PLBD2: variants seen among roughly 807,000 people sequenced by gnomAD.
PLBD2 encodes phospholipase B domain containing 2.
Under a neutral mutation model 68.3 loss-of-function variants are expected in PLBD2, and 51 were observed. The observed-to-expected ratio is 0.75, with a 90% CI of 0.60 to 0.94. The LOEUF (loss-of-function observed/expected upper bound fraction) is 0.94, where lower values mean the gene tolerates loss of function less well. PLBD2 is among the 40% of genes least tolerant of loss of function. The pLI is 0.00. For synonymous variants in PLBD2, 314 were observed against 339.3 expected, an observed-to-expected ratio of 0.93 and a Z score of 0.82; for missense variants, 729 against 792.2, an observed-to-expected ratio of 0.92 and a Z score of 0.96.
chr12:113,387,608 G>A (rs1957563815), intron 10 of PLBD2, 136 bp from the exon 11 acceptor site: 2 of 946,216 alleles, frequency 2.1e-6, no homozygotes, highest in African/African-American at 3.2e-5. Context: ...GGAACTGTCG[G>A]GGGTAGTGTG....
At position 113,381,164 on chromosome 12, in the gene PLBD2, G is replaced by T. The variant is rs564127923; in HGVS notation, c.957+322G>T. 8.5e-5 allele frequency among the ~76,000 whole-genome samples: 13 copies of T among 152,264 alleles called. 2 individuals carry two copies. In the East Asian group the frequency reaches 2.5e-3, roughly 29 times the overall value. On this transcript the variant is annotated intron_variant, in intron 6 of 11. Transcript: ENST00000280800. ...CATGTAACCCTGGTTGTCAGGAAAG[G>T]CTGGACTTGGGGATGTTTGGGACTA...
chr12:113,387,603 T>C, intron 10 of PLBD2, 141 bp from the exon 11 acceptor site: 1 of 900,802 alleles, frequency 1.1e-6, no homozygotes, highest in Non-Finnish European at 1.7e-6. Context: ...GCAGAGGAAC[T>C]GTCGGGGGTA....
rs766988157 is a variant in PLBD2 at position 113,388,559 on chromosome 12, G to A, written c.1703G>A (p.Ser568Asn). The A allele has an allele frequency of 1.9e-5, 31 of 1,611,102 alleles. 1 individual carries two copies. In the Admixed American group the frequency reaches 5.2e-4, roughly 27 times the overall value. ...TTCCAGTGGAGCACCTCGCCCTTCA[G>A]CGGCCTGCTGCACATGGGCCAGCCA... ...PPFQWSTSPF[S>N]GLLHMGQPDL... The change falls in exon 12 of 12, where the codon AGC becomes AAC. Residue 568 changes from serine (S) to asparagine (N), a missense_variant. By Grantham distance (46) the Ser-to-Asn change is conservative. Coordinates refer to ENST00000280800, the MANE Select transcript of PLBD2 (RefSeq NM_173542.4).
At chr12:113,383,233 G>A (rs1957513665) in intron 6 of PLBD2, among the ~76,000 whole-genome samples, 1 of 152,102 alleles carries the variant, frequency 6.6e-6, no homozygotes, top group East Asian at 1.9e-4. Flanking sequence ...CAGGCTGACA[G>A]CCTCAGGCCG....
At chr12:113,366,448 C>T (rs575322129) in intron 1 of PLBD2, among the ~76,000 whole-genome samples, 30 of 142,866 alleles carry the variant, frequency 2.1e-4, no homozygotes, top group Non-Finnish European at 4.1e-4. Context: ...AGAACAAATG[C>T]AAAAACCAAT....
intron 1 of PLBD2, 44 bp downstream of exon 1, chr12:113,358,934 G>T: frequency 2.0e-6 from 3 of 1,473,524 alleles, no homozygotes; most frequent in Non-Finnish European, 2.7e-6. Flanking sequence ...GGGGGAGGGG[G>T]ATGCGTGGGC....
Position 113,391,561 on chromosome 12 carries a change from GC to G in PLBD2, c.*2936del, listed in dbSNP as rs1957610745. On this transcript the variant is annotated 3_prime_UTR_variant, in exon 12 of 12. Transcript: ENST00000280800. ...ATAGTAAACAAAATAAATGAAATAT[GC>G]AGTGTGTCAGTGCTGGTAAACCCGT... The G allele has an allele frequency of 6.6e-6, 1 of 152,234 alleles. No homozygotes were observed. Among genetic ancestry groups the G allele is most frequent in the Non-Finnish European group, 1.5e-5 (1 of 68,058 alleles). The allele number at this position is 152,234 out of a possible 1,614,324, so 9.4% of individuals were successfully genotyped here.
chr12:113,380,688 A>G (rs1593288541), intron 5 of PLBD2, 57 bp from the exon 6 acceptor site: 2 of 1,406,246 alleles, frequency 1.4e-6, no homozygotes, highest in South Asian at 1.2e-5. Flanking sequence ...GGTAGGGTGC[A>G]GGGGCCTCCA....
intron 6 of PLBD2, among the ~76,000 whole-genome samples, chr12:113,383,347 G>A (rs1239310661): frequency 2.0e-5 from 3 of 152,232 alleles, no homozygotes; most frequent in Non-Finnish European, 4.4e-5. Context: ...CCTCTCAGGG[G>A]CTGTTCACCA....
intron 1 of PLBD2, among the ~76,000 whole-genome samples, chr12:113,367,782 C>T (rs1957354575): frequency 6.7e-6 from 1 of 149,926 alleles, no homozygotes; most frequent in Non-Finnish European, 1.5e-5. Flanking sequence ...AGCCCTGGTG[C>T]AGTGGCCTTA....
intron 1 of PLBD2, among the ~76,000 whole-genome samples, chr12:113,359,867 C>T (rs753976198): frequency 6.6e-6 from 1 of 152,160 alleles, no homozygotes; most frequent in Non-Finnish European, 1.5e-5. Flanking sequence ...AGGGCCCAGA[C>T]GCTGGATCAG....
chr12:113,381,472 A>G lies in PLBD2; in HGVS notation c.957+630A>G, dbSNP rs534742969. Among the ~76,000 whole-genome samples, 30 of 152,294 alleles carry G rather than the reference A, an allele frequency of 2.0e-4. No individual in the cohort carries two copies. The East Asian group carries it at 5.2e-3, about 26-fold the overall frequency. ...GGCAACGAGACAGAGGAGAAAAAACATCACTCTAAAAAACACCCTTAGCGC... is the reference window on the plus strand; with the variant it reads ...GGCAACGAGACAGAGGAGAAAAAACGTCACTCTAAAAAACACCCTTAGCGC... On this transcript the variant is annotated intron_variant, in intron 6 of 11. Coordinates refer to ENST00000280800, the MANE Select transcript of PLBD2 (RefSeq NM_173542.4).
At chr12:113,371,910 A>G (rs774235171) in intron 2 of PLBD2, among the ~76,000 whole-genome samples, 4 of 152,138 alleles carry the variant, frequency 2.6e-5, no homozygotes, top group Non-Finnish European at 4.4e-5. Flanking sequence ...GTGGGTGGTA[A>G]TATGTCTTGT....
At chr12:113,359,451 AC>A (rs1032752614) in intron 1 of PLBD2, 44 of 152,278 alleles carry the variant, frequency 2.9e-4, no homozygotes, top group African/African-American at 9.6e-4. Flanking sequence ...AGTCACATAG[AC>A]CCATTTAGTA....
chr12:113,365,878 G>A (rs1488514526), intron 1 of PLBD2, among the ~76,000 whole-genome samples: 8 of 152,172 alleles, frequency 5.3e-5, no homozygotes. Context: ...ATTGTAGTCA[G>A]ATAATTGTAG....
rs1181069681 is a variant in PLBD2, at chr12:113,358,745, T to G, written c.145T>G (p.Trp49Gly). The change falls in exon 1 of 12, where the codon TGG becomes GGG. Residue 49 changes from tryptophan to glycine, a missense_variant. Physicochemically the swap from Trp to Gly is radical, Grantham distance 184. Coordinates refer to ENST00000280800, the MANE Select transcript of PLBD2 (RefSeq NM_173542.4). ...GGCGATCCCAGCGCCGGGGGGCCGC[T>G]GGGCGCGCGATGGGCAGGTCCCTCC... Reference protein sequence around the residue: ...AGAIPAPGGRWARDGQVPPAS... With the variant: ...AGAIPAPGGRGARDGQVPPAS... 1 of 1,393,794 alleles carries G rather than the reference T, an allele frequency of 7.2e-7. No homozygotes were observed. The highest frequency in any genetic ancestry group is 1.5e-5 in the African/African-American group (1 of 65,356). 86.3% of individuals were successfully genotyped at this position (1,393,794 alleles called of 1,614,324 possible). A position where few individuals can be genotyped will look rare whatever the true frequency, so the allele number is the denominator to read the frequency against.
chr12:113,388,350 G>C, intron 11 of PLBD2, 109 bp from the exon 12 acceptor site: 2 of 1,053,132 alleles, frequency 1.9e-6, no homozygotes, highest in Non-Finnish European at 1.3e-6. Context: ...AAAAAAAAAA[G>C]TGACAGTTCA....
At chr12:113,387,199 G>T in intron 10 of PLBD2, 110 bp downstream of exon 10, 1 of 1,376,488 alleles carries the variant, frequency 7.3e-7, no homozygotes, top group Non-Finnish European at 9.6e-7. Flanking sequence ...GCCCCAGAGG[G>T]CCAGCAGGGG....
At chr12:113,369,249 C>T in intron 2 of PLBD2, 40 bp downstream of exon 2, 1 of 1,508,280 alleles carries the variant, frequency 6.6e-7, no homozygotes, top group Non-Finnish European at 9.0e-7. Flanking sequence ...CCACCCTGCC[C>T]CAGCCCCACA....
Sources: allele counts gnomAD v4.1 joint callset (sites outside exome capture counted in the v4.1 genomes callset), GRCh38; gene constraint gnomAD v4.1.1; transcripts MANE v1.5; gene names NCBI Gene and HGNC (gene_info 2026-07-23, HGNC 2026-07-21).